The following TBKBP1 variants were observed in gnomAD, a reference collection of about 807,000 sequenced individuals.
The protein encoded by TBKBP1 is TANK-binding kinase 1-binding protein 1.
TBKBP1 carries 47 observed loss-of-function variants against 69.9 expected under a neutral mutation model. The ratio of observed to expected loss-of-function variants is 0.67; its 90% CI spans 0.53 to 0.86. TBKBP1 has a LOEUF of 0.86. Ranked by LOEUF, TBKBP1 falls within the 40% of genes least tolerant of loss-of-function variation. The probability of loss-of-function intolerance (pLI) is 0.00; values close to 1 mark genes in which losing one functional copy is unlikely to be tolerated. For missense variants in TBKBP1, 831 were observed against 858.6 expected (o/e 0.97, Z 0.40); for synonymous variants, 418 against 390.3 (o/e 1.07, Z -0.84).
At chr17:47,702,984 G>GC (rs2031564613) in intron 7 of TBKBP1, among the ~76,000 whole-genome samples, 1 of 74,834 alleles carries the variant, frequency 1.3e-5, no homozygotes, top group Non-Finnish European at 2.7e-5. Context: ...GAGGGGAAAT[G>GC]CGGGGGGGGG....
chr17:47,698,771 T>G lies in TBKBP1; in HGVS notation c.630T>G (p.Ser210Arg), dbSNP rs768540703. 6.4e-7 allele frequency: 1 copy of G among 1,558,366 alleles called. No homozygotes were observed. Among genetic ancestry groups the G allele is most frequent in the Non-Finnish European group, 8.7e-7 (1 of 1,147,820 alleles). ...CACTGAGAGGGGGATCTGGCTTGAG[T>G]CATGGTGAGATCTCAGTGACCCCGA... is the stretch of plus-strand genomic sequence containing the variant. ...YLALRGGSGL[S>R]HAGWPGSTPS... The change falls in exon 5 of 10, where the codon AGT becomes AGG. Residue 210 changes from serine (S) to arginine (R), a missense_variant. Ser to Arg is a moderately radical substitution (Grantham distance 110). Transcript: ENST00000578982.
chr17:47,705,613 G>A (rs2031667426), intron 7 of TBKBP1, among the ~76,000 whole-genome samples: 2 of 152,230 alleles, frequency 1.3e-5, no homozygotes, highest in Admixed American at 1.3e-4. Flanking sequence ...CAGGAAGCCA[G>A]GAAATGGAAT....
At chr17:47,694,615 AC>A (rs1194184300) in intron 1 of TBKBP1, 2 of 152,164 alleles carry the variant, frequency 1.3e-5, no homozygotes, top group East Asian at 3.9e-4. Context: ...CATTGCGCTC[AC>A]CCGGGCGCTG....
rs1267180275 is a variant in TBKBP1, at chr17:47,698,592, C to T, written c.454-3C>T. On this transcript the variant is annotated splice_region_variant and splice_polypyrimidine_tract_variant and intron_variant, in intron 4 of 9. Coordinates refer to ENST00000578982, the MANE Select transcript of TBKBP1 (RefSeq NM_001394755.1). The stretch of plus-strand genomic sequence containing the variant: ...AGACCCTCCCCTCTGTCTCTCTCTC[C>T]AGAGGGCCCTGGTGGAGACGCACCT... 6.3e-7 allele frequency: 1 copy of T among 1,583,510 alleles called. No homozygotes were observed. Among genetic ancestry groups the T allele is most frequent in the Admixed American group, 1.8e-5 (1 of 55,464 alleles).
At chr17:47,694,454 G>C (rs974973718) in intron 1 of TBKBP1, among the ~76,000 whole-genome samples, 7 of 152,050 alleles carry the variant, frequency 4.6e-5, no homozygotes, top group African/African-American at 1.2e-4. Flanking sequence ...GGCCGGTTGT[G>C]GGGGAGGGGG....
At chr17:47,706,828 GACACACACACACACACAC>G (rs55849029) in intron 7 of TBKBP1, among the ~76,000 whole-genome samples, 2 of 134,156 alleles carry the variant, frequency 1.5e-5, no homozygotes, top group East Asian at 2.2e-4. Context: ...GTTAGACTTA[GACACACACACACACACAC>G]ACACACACAC....
chr17:47,708,542 CCG>C lies in TBKBP1; in HGVS notation c.991+33_991+34del. On this transcript the variant is annotated intron_variant, in intron 8 of 9. Coordinates refer to ENST00000578982, the MANE Select transcript of TBKBP1 (RefSeq NM_001394755.1). The surrounding 1 kb of genome is among the most constrained non-coding windows in gnomAD (Gnocchi z 4.4). ...GATGGGGCAGGGCAGGGGGAGGCAG[CCG>C]CGGGACCCGGGAAGGAGCGGGTAGC... 1 of 1,607,280 alleles carries C rather than the reference CCG, an allele frequency of 6.2e-7. No homozygotes were observed. Among genetic ancestry groups the C allele is most frequent in the Non-Finnish European group, 8.5e-7 (1 of 1,175,056 alleles).
chr17:47,699,463 G>A lies in TBKBP1; in HGVS notation c.778G>A (p.Glu260Lys). The change falls in exon 6 of 10, where the codon GAG (glutamate) becomes AAG (lysine). Residue 260 changes from glutamate (E) to lysine (K), a missense_variant. Physicochemically the swap from Glu to Lys is moderately conservative, Grantham distance 56. Transcript: ENST00000578982. ...LQAECERLQG[E>K]LKQLQETRAQ... Reference sequence around the variant, plus strand: ...GGCCGAGTGCGAGCGGCTGCAGGGGGAGCTGAAGCAGCTGCAGGAGACCCG... The same window carrying A: ...GGCCGAGTGCGAGCGGCTGCAGGGGAAGCTGAAGCAGCTGCAGGAGACCCG... 1.8e-5 allele frequency: 29 copies of A among 1,574,588 alleles called. No homozygotes were observed. Among genetic ancestry groups the A allele is most frequent in the Non-Finnish European group, 2.4e-5 (28 of 1,160,940 alleles).
At chr17:47,699,174 G>T (rs1241845981) in intron 5 of TBKBP1, 146 bp from the exon 6 acceptor site, 5 of 873,346 alleles carry the variant, frequency 5.7e-6, no homozygotes, top group Admixed American at 7.4e-5. Flanking sequence ...ATCTTTCCTC[G>T]CTGCCCTTGT....
chr17:47,694,176 G>A lies in TBKBP1; in HGVS notation c.-53G>A, dbSNP rs1676089665. On this transcript the variant is annotated 5_prime_UTR_variant, in exon 1 of 10. Coordinates refer to ENST00000578982, the MANE Select transcript of TBKBP1 (RefSeq NM_001394755.1). ...CGGAGGGGGTAAGCTGCGATTACAA[G>A]CAGGAACCGGCAGCAGCTGTGAGTC... The A allele has an allele frequency of 6.7e-6, 1 of 148,390 alleles. No individual in the cohort carries two copies. Among genetic ancestry groups the A allele is most frequent in the African/African-American group, 2.5e-5 (1 of 40,340 alleles). 9.2% of individuals were successfully genotyped at this position (148,390 alleles called of 1,614,324 possible).
At position 47,709,260 on chromosome 17, in the gene TBKBP1, C is replaced by T. The variant is rs1293218810; in HGVS notation, c.1527C>T (p.Phe509=). 5 of 1,522,296 alleles carry T rather than the reference C, an allele frequency of 3.3e-6. No individual in the cohort carries two copies. The highest frequency in any genetic ancestry group is 4.4e-6 in the Non-Finnish European group (5 of 1,143,362). 94.3% of individuals were successfully genotyped at this position (1,522,296 alleles called of 1,614,324 possible). Residue 509 remains phenylalanine (F), a synonymous_variant, in exon 9 of 10, where the codon TTC becomes TTT. Coordinates refer to ENST00000578982, the MANE Select transcript of TBKBP1 (RefSeq NM_001394755.1). ...GGCCCCTCAGCCCGCGGCGCGCCTT[C>T]GAGGGCATCCGGCTGCGCTTCGAGA... ...PGRPLSPRRA[F]EGIRLRFEKQ... is the part of the protein sequence containing the mutation.
rs1272437601 is a variant in TBKBP1, at chr17:47,709,008, G to T, written c.1275G>T (p.Gln425His). 8 of 1,170,016 alleles carry T rather than the reference G, an allele frequency of 6.8e-6. No homozygotes were observed. The East Asian group carries it at 3.9e-4, about 57-fold the overall frequency. 72.5% of individuals were successfully genotyped at this position (1,170,016 alleles called of 1,614,324 possible). A position where few individuals can be genotyped will look rare whatever the true frequency, so the allele number is the denominator to read the frequency against. Reference sequence around the variant, plus strand: ...TGCCCCCCAGCTGCCCGGCCCCGCAGCCCCGGCCACCGCCGCCGCCCCCGC... The same window carrying T: ...TGCCCCCCAGCTGCCCGGCCCCGCATCCCCGGCCACCGCCGCCGCCCCCGC... ...SPVPPSCPAPQPRPPPPPPPG... is the reference protein window; with the variant it reads ...SPVPPSCPAPHPRPPPPPPPG... Residue 425 changes from glutamine (Q) to histidine (H), a missense_variant, in exon 9 of 10, where the codon CAG becomes CAT. By Grantham distance (24) the Gln-to-His change is conservative (BLOSUM62 0). Transcript: ENST00000578982.
chr17:47,705,642 G>A (rs1229347702), intron 7 of TBKBP1, among the ~76,000 whole-genome samples: 4 of 152,240 alleles, frequency 2.6e-5, no homozygotes, highest in African/African-American at 7.2e-5. Flanking sequence ...CGGTGCACGT[G>A]TGCAACTCTT....
In TBKBP1 at chr17:47,711,377, GC is replaced by G. The variant is rs2143382475; in HGVS notation, c.*754del. On this transcript the variant is annotated 3_prime_UTR_variant, in exon 10 of 10. Coordinates refer to ENST00000578982, the MANE Select transcript of TBKBP1 (RefSeq NM_001394755.1). Reference sequence around the variant, plus strand: ...AGGGGACTGTCTGCCAGCCTCCCAGGCCCATGCCCTCCTGGTGCCCCTGGCA... The same window carrying G: ...AGGGGACTGTCTGCCAGCCTCCCAGGCCATGCCCTCCTGGTGCCCCTGGCA... The G allele has an allele frequency of 6.5e-6, 1 of 152,928 alleles. No individual in the cohort carries two copies. Among genetic ancestry groups the G allele is most frequent in the South Asian group, 2.1e-4 (1 of 4,830 alleles). 9.5% of individuals were successfully genotyped at this position (152,928 alleles called of 1,614,324 possible).
At chr17:47,696,952 C>T (rs1200802148) in intron 3 of TBKBP1, 119 bp downstream of exon 3, 3 of 1,519,872 alleles carry the variant, frequency 2.0e-6, no homozygotes, top group African/African-American at 1.4e-5. Flanking sequence ...TGGCCAGGTC[C>T]TCCCTAAGCC....
chr17:47,708,916 G>T lies in TBKBP1; in HGVS notation c.1183G>T (p.Val395Phe). Residue 395 changes from valine (V) to phenylalanine (F), a missense_variant, in exon 9 of 10, where the codon GTC (valine) becomes TTC (phenylalanine). Physicochemically the swap from Val to Phe is conservative, Grantham distance 50. Transcript: ENST00000578982. This position sits in a 1 kb window ranked among gnomAD's most constrained non-coding sequence, Gnocchi z 4.4. ...SPASPSCPSP[V>F]PQRRSPVPPS... ...GGCCTCACCCTCCTGCCCGTCGCCC[G>T]TCCCGCAGCGCCGCTCGCCGGTGCC... 1 of 1,346,502 alleles carries T rather than the reference G, an allele frequency of 7.4e-7. No individual in the cohort carries two copies. Among genetic ancestry groups the T allele is most frequent in the Non-Finnish European group, 9.5e-7 (1 of 1,047,778 alleles). 83.4% of individuals were successfully genotyped at this position (1,346,502 alleles called of 1,614,324 possible). A position where few individuals can be genotyped will look rare whatever the true frequency, so the allele number is the denominator to read the frequency against.
chr17:47,709,233 C>G lies in TBKBP1; in HGVS notation c.1500C>G (p.Gly500=). ...RAYGSELYGP[G]RPLSPRRAFE... ...ACGGCAGCGAGCTCTACGGCCCTGGCAGGCCCCTCAGCCCGCGGCGCGCCT... is the reference window on the plus strand; with the variant it reads ...ACGGCAGCGAGCTCTACGGCCCTGGGAGGCCCCTCAGCCCGCGGCGCGCCT... Residue 500 remains glycine (G), a synonymous_variant, in exon 9 of 10, where the codon GGC becomes GGG. Coordinates refer to ENST00000578982, the MANE Select transcript of TBKBP1 (RefSeq NM_001394755.1). 6.6e-7 allele frequency: 1 copy of G among 1,525,518 alleles called. No homozygotes were observed. The allele number at this position is 1,525,518 out of a possible 1,614,324, so 94.5% of individuals were successfully genotyped here.
In TBKBP1 at chr17:47,709,382, C is replaced by A. The variant is rs1433690183; in HGVS notation, c.1649C>A (p.Pro550His). 1 of 1,531,600 alleles carries A rather than the reference C, an allele frequency of 6.5e-7. No homozygotes were observed. Among genetic ancestry groups the A allele is most frequent in the Non-Finnish European group, 8.7e-7 (1 of 1,146,348 alleles). The allele number at this position is 1,531,600 out of a possible 1,614,324, so 94.9% of individuals were successfully genotyped here. ...IRCASFCAGF[P>H]IPESPAATAY... ...TGCGCCTCCTTCTGCGCGGGCTTCC[C>A]CATCCCCGAGTCGCCCGCCGCCACC... The change falls in exon 9 of 10, where the codon CCC becomes CAC. Residue 550 changes from proline to histidine, a missense_variant. Transcript: ENST00000578982.
intron 7 of TBKBP1, among the ~76,000 whole-genome samples, chr17:47,703,406 C>A (rs1162148100): frequency 2.0e-5 from 3 of 152,200 alleles, no homozygotes; most frequent in Non-Finnish European, 4.4e-5. Context: ...AGGGCCTCCC[C>A]CTTCACGCTT....
Sources: allele counts gnomAD v4.1 joint callset (sites outside exome capture counted in the v4.1 genomes callset), GRCh38; gene constraint gnomAD v4.1.1; non-coding constraint Gnocchi (gnomAD v3.1); transcripts MANE v1.5; gene names NCBI Gene and HGNC (gene_info 2026-07-23, HGNC 2026-07-21).